Variants in RSPH9 observed in about 807,000 individuals in gnomAD.
RSPH9 encodes radial spoke head component 9, also known as radial spoke head protein 9 homolog.
Under a neutral mutation model 27.0 loss-of-function variants are expected in RSPH9, and 27 were observed. The ratio of observed to expected loss-of-function variants is 1.00; its 90% CI spans 0.74 to 1.38. The LOEUF (loss-of-function observed/expected upper bound fraction) is 1.38, where lower values mean the gene tolerates loss of function less well. Ranked by LOEUF, RSPH9 falls within the 40% of genes most tolerant of loss-of-function variation. The pLI is 0.00. For missense variants in RSPH9, 347 were observed against 357.4 expected, an observed-to-expected ratio of 0.97 and a Z score of 0.24; for synonymous variants, 145 against 147.7, an observed-to-expected ratio of 0.98 and a Z score of 0.13.
intron 4 of RSPH9, among the ~76,000 whole-genome samples, chr6:43,660,010 C>T (rs909633190): frequency 2.0e-5 from 3 of 148,020 alleles, no homozygotes; most frequent in Non-Finnish European, 4.4e-5. Context: ...TGTTGGATTA[C>T]AGGCGTGAGC....
rs1469207335 is a variant in RSPH9 at position 43,650,393 on chromosome 6, G to A, written c.246G>A (p.Trp82Ter). Residue 82 changes from tryptophan to a stop codon, truncating the protein, a stop_gained, in exon 2 of 5, where the codon TGG becomes TGA. Coordinates refer to ENST00000372163, the MANE Select transcript of RSPH9 (RefSeq NM_152732.5). LOFTEE classifies it high-confidence loss of function. ...TTGGCAGCCTGAACTGCACAGAGTG[G>A]AGCCTCTTGCCCCCTGCCACAGAGG... ...KTLYSLNCTE[W>*]SLLPPATEEM... is the part of the protein sequence containing the mutation. The A allele has an allele frequency of 3.7e-6, 6 of 1,613,448 alleles. No individual in the cohort carries two copies. Among genetic ancestry groups the A allele is most frequent in the East Asian group, 2.2e-5 (1 of 44,890 alleles).
Position 43,657,115 on chromosome 6 carries a change from G to T in RSPH9, c.670+392G>T, listed in dbSNP as rs77312067. On this transcript the variant is annotated intron_variant, in intron 4 of 4. Coordinates refer to ENST00000372163, the MANE Select transcript of RSPH9 (RefSeq NM_152732.5). ...TGGATATAATGCTTGGCCCATAGCT[G>T]GTGGTGCTGATCCCATTTCCTTCCC... Among the ~76,000 whole-genome samples the T allele has an allele frequency of 2.7e-3, 418 of 152,292 alleles. 2 individuals are homozygous for T. The highest frequency in any genetic ancestry group is 4.3e-3 in the Non-Finnish European group (292 of 68,026).
intron 4 of RSPH9, among the ~76,000 whole-genome samples, chr6:43,667,603 A>T (rs1331582667): frequency 6.6e-6 from 1 of 152,178 alleles, no homozygotes; most frequent in East Asian, 1.9e-4. Context: ...AGCCTGGCTG[A>T]CAAGTGTTCA....
At chr6:43,666,541 C>T (rs1561944824) in intron 4 of RSPH9, 3 of 1,482,158 alleles carry the variant, frequency 2.0e-6, no homozygotes, top group South Asian at 1.2e-5. Context: ...GACTCCGCAT[C>T]TTGTCCCTTG....
intron 1 of RSPH9, among the ~76,000 whole-genome samples, chr6:43,645,586 C>A (rs928291800): frequency 6.7e-6 from 1 of 149,078 alleles, no homozygotes; most frequent in Non-Finnish European, 1.5e-5. Flanking sequence ...AATGGACGGG[C>A]GATGTCCCCC....
rs188504202 is a variant in RSPH9, at chr6:43,667,514, C to T, written c.671-3275C>T. Among the ~76,000 whole-genome samples, 648 of 152,208 alleles carry T rather than the reference C, an allele frequency of 4.3e-3. 4 individuals are homozygous for T. The highest frequency in any genetic ancestry group is 0.015 in the African/African-American group (619 of 41,518). ...GGGGCGAGTGAGGCGGGCATGGGCG[C>T]GGGGGGGAACATGGTGCCCAGGGTC... On this transcript the variant is annotated intron_variant, in intron 4 of 4. Coordinates refer to ENST00000372163, the MANE Select transcript of RSPH9 (RefSeq NM_152732.5).
At chr6:43,669,484 G>T (rs1274469810) in intron 4 of RSPH9, among the ~76,000 whole-genome samples, 2 of 152,216 alleles carry the variant, frequency 1.3e-5, no homozygotes, top group African/African-American at 4.8e-5. Flanking sequence ...TGCAGGGTGT[G>T]GAGTGACTAG....
chr6:43,645,340 G>T lies in RSPH9; in HGVS notation c.227+15G>T, dbSNP rs762510566. ...ACGCTCTATAGGTGAGGAGGCCCCC[G>T]GGACGGGCTCCCCAGAGGGTGGCTA... On this transcript the variant is annotated intron_variant, in intron 1 of 4. Coordinates refer to ENST00000372163, the MANE Select transcript of RSPH9 (RefSeq NM_152732.5). 3.9e-5 allele frequency: 63 copies of T among 1,605,752 alleles called. 2 individuals carry two copies. The South Asian group carries it at 4.6e-4, about 12-fold the overall frequency.
chr6:43,664,449 C>T (rs1274122274), intron 4 of RSPH9, among the ~76,000 whole-genome samples: 4 of 152,102 alleles, frequency 2.6e-5, no homozygotes, highest in Non-Finnish European at 5.9e-5. Flanking sequence ...TTGGGGCAGG[C>T]CTAGGAGGGC....
chr6:43,666,495 T>G (rs1266787716), intron 4 of RSPH9: 1 of 1,550,104 alleles, frequency 6.5e-7, no homozygotes, highest in Non-Finnish European at 8.7e-7. Flanking sequence ...GCCCTGTTCC[T>G]GGGACTCCTG....
At chr6:43,646,968 G>GA (rs11314414) in intron 1 of RSPH9, among the ~76,000 whole-genome samples, 64 of 135,584 alleles carry the variant, frequency 4.7e-4, no homozygotes, top group South Asian at 3.6e-3. Context: ...AAAAAAAAAA[G>GA]AAAAAAAAAA....
chr6:43,664,004 G>C (rs1488877350), intron 4 of RSPH9, among the ~76,000 whole-genome samples: 1 of 150,278 alleles, frequency 6.7e-6, no homozygotes, highest in Non-Finnish European at 1.5e-5. Context: ...ACTCCAGCCT[G>C]GGTGACAGAA....
intron 2 of RSPH9, among the ~76,000 whole-genome samples, chr6:43,655,159 C>T (rs915606805): frequency 6.6e-6 from 1 of 152,166 alleles, no homozygotes; most frequent in Non-Finnish European, 1.5e-5. Context: ...AAATATTCTA[C>T]AGTGAGCATG....
chr6:43,664,690 A>C (rs1251900267), intron 4 of RSPH9, among the ~76,000 whole-genome samples: 1 of 152,090 alleles, frequency 6.6e-6, no homozygotes, highest in Non-Finnish European at 1.5e-5. Flanking sequence ...GAGTCAAGCT[A>C]CTCTGAGCAG....
chr6:43,661,972 C>G (rs969578971), intron 4 of RSPH9, among the ~76,000 whole-genome samples: 4 of 152,176 alleles, frequency 2.6e-5, no homozygotes, highest in Non-Finnish European at 5.9e-5. Flanking sequence ...ACTGTAGCCT[C>G]GACTTCCCAG....
At chr6:43,650,286 G>T (rs1298377617) in intron 1 of RSPH9, 89 bp from the exon 2 acceptor site, 2 of 1,507,054 alleles carry the variant, frequency 1.3e-6, no homozygotes, top group African/African-American at 2.8e-5. Context: ...CTTTTCCTGG[G>T]CCCAACCCAC....
rs368519003 is a variant in RSPH9 at position 43,655,583 on chromosome 6, C to T, written c.415C>T (p.Arg139Cys). ...EIVVQIKEET[R>C]LVSVIDQIDK... ...TCAGGTCCAGATCAAGGAAGAGACC[C>T]GCTTGGTGTCTGTCATTGACCAGAT... Residue 139 changes from arginine to cysteine, a missense_variant, in exon 3 of 5, where the codon CGC becomes TGC. Physicochemically the swap from Arg to Cys is radical, Grantham distance 180. Transcript: ENST00000372163. The T allele has an allele frequency of 5.3e-5, 85 of 1,614,046 alleles. No individual in the cohort carries two copies. Among genetic ancestry groups the T allele is most frequent in the African/African-American group, 1.2e-4 (9 of 74,988 alleles).
Position 43,672,175 on chromosome 6 carries a change from G to C in RSPH9, c.*1226G>C. 1 of 541,714 alleles carries C rather than the reference G, an allele frequency of 1.8e-6. No individual in the cohort carries two copies. The highest frequency in any genetic ancestry group is 2.1e-5 in the South Asian group (1 of 48,200). 33.6% of individuals were successfully genotyped at this position (541,714 alleles called of 1,614,324 possible). A position where few individuals can be genotyped will look rare whatever the true frequency, so the allele number is the denominator to read the frequency against. On this transcript the variant is annotated 3_prime_UTR_variant, in exon 5 of 5. Coordinates refer to ENST00000372163, the MANE Select transcript of RSPH9 (RefSeq NM_152732.5). ...TCCCTTGATCTTTGTAAATGTCAATGTTGGTGTGTGTTTGCTGAGGAAAAG... is the reference window on the plus strand; with the variant it reads ...TCCCTTGATCTTTGTAAATGTCAATCTTGGTGTGTGTTTGCTGAGGAAAAG...
At position 43,672,255 on chromosome 6, in the gene RSPH9, G is replaced by T. The variant is rs113730642; in HGVS notation, c.*1306G>T. Reference sequence around the variant, plus strand: ...CATTCCTCTCTGGCCTCAGCCATGGGGCGAGAAGAGCTGATGTAAGGCTCT... The same window carrying T: ...CATTCCTCTCTGGCCTCAGCCATGGTGCGAGAAGAGCTGATGTAAGGCTCT... On this transcript the variant is annotated 3_prime_UTR_variant, in exon 5 of 5. Transcript: ENST00000372163. 9.7e-5 allele frequency: 42 copies of T among 434,814 alleles called. No individual in the cohort carries two copies. The highest frequency in any genetic ancestry group is 8.5e-4 in the African/African-American group (42 of 49,456). 26.9% of individuals were successfully genotyped at this position (434,814 alleles called of 1,614,324 possible).
Sources: gnomAD v4.1 joint callset for allele counts (sites outside exome capture counted in the v4.1 genomes callset) on GRCh38, gnomAD v4.1.1 for gene constraint, MANE v1.5 for transcripts, NCBI Gene and HGNC (gene_info 2026-07-23, HGNC 2026-07-21) for gene names.